Variants in AHDC1 observed in about 807,000 individuals in gnomAD.
AHDC1 encodes the protein transcription factor Gibbin.
A neutral mutation model predicts 87.9 loss-of-function variants in AHDC1; 7 were observed. The observed-to-expected ratio is 0.08, with a 90% confidence interval of 0.05 to 0.15. The LOEUF (loss-of-function observed/expected upper bound fraction) is 0.15. Among genes scored for constraint, AHDC1 ranks in the 10% least tolerant of loss-of-function variants. The pLI, the probability that AHDC1 is intolerant of heterozygous loss-of-function variation, is 1.00. For missense variants in AHDC1, 1,841 were observed against 2,253.2 expected (o/e 0.82, Z 3.70); for synonymous variants, 1,051 against 1,006.8 (o/e 1.04, Z -0.83).
chr1:27,594,847 G>A (rs1557709320), intron 3 of AHDC1, among the ~76,000 whole-genome samples: 1 of 152,170 alleles, frequency 6.6e-6, no homozygotes, highest in Non-Finnish European at 1.5e-5. Flanking sequence ...GCCGTGGGGT[G>A]CAGGCGGAGC....
chr1:27,548,161 C>T lies in AHDC1; in HGVS notation c.3955G>A (p.Gly1319Arg), dbSNP rs1255829038. The T allele has an allele frequency of 2.5e-6, 4 of 1,613,800 alleles. No homozygotes were observed. Among genetic ancestry groups the T allele is most frequent in the South Asian group, 1.1e-5 (1 of 91,088 alleles). ...SPDLGLDYYS[G>R]DSSMSPLPSQ... ...GGCAGTGGTGACATGCTGCTGTCCC[C>T]GCTATAGTAGTCCAGGCCGAGGTCA... The change falls in exon 8 of 9, where the codon GGG (glycine) becomes AGG (arginine). Residue 1319 changes from glycine to arginine, a missense_variant. Transcript: ENST00000673934.
rs2019494150 is a variant in AHDC1, at chr1:27,550,739, T to C, written c.1377A>G (p.Pro459=). The part of the protein sequence containing the change: ...PELKPESSQT[P]VVSTRKGKCR... ...ACTTGCCTTTGCGGGTAGAGACCAC[T>C]GGGGTCTGGGAAGATTCCGGCTTCA... The change falls in exon 8 of 9, where the codon CCA becomes CCG. Residue 459 remains proline, a synonymous_variant. Transcript: ENST00000673934. The C allele has an allele frequency of 6.3e-7, 1 of 1,586,976 alleles. No individual in the cohort carries two copies. Among genetic ancestry groups the C allele is most frequent in the Non-Finnish European group, 8.6e-7 (1 of 1,167,272 alleles).
chr1:27,560,400 C>T lies in AHDC1; in HGVS notation c.-628-1517G>A, dbSNP rs926706951. On this transcript the variant is annotated intron_variant, in intron 3 of 8. Coordinates refer to ENST00000673934, the MANE Select transcript of AHDC1 (RefSeq NM_001371928.1). This position sits in a 1 kb window ranked among gnomAD's most constrained non-coding sequence, Gnocchi z 4.1. The stretch of plus-strand genomic sequence containing the variant: ...ACCGGCTCCTGCCTGTCTCAGAGCT[C>T]TCTGGATGTGTGTTTGGCAGGGGGT... Among the ~76,000 whole-genome samples, 4 of 152,088 alleles carry T rather than the reference C, an allele frequency of 2.6e-5. No individual in the cohort carries two copies. The highest frequency in any genetic ancestry group is 9.7e-5 in the African/African-American group (4 of 41,398).
In AHDC1 at chr1:27,551,305, G is replaced by C. The variant is rs200660997; in HGVS notation, c.811C>G (p.Pro271Ala). 5.4e-4 allele frequency: 878 copies of C among 1,611,608 alleles called. 5 individuals are homozygous for C. The African/African-American group carries it at 0.01, about 19-fold the overall frequency. ...AQALEPPSPEPEPQLLDPQPR... is the reference protein window; with the variant it reads ...AQALEPPSPEAEPQLLDPQPR... ...TGGGGGTCCAGGAGCTGAGGCTCCG[G>C]CTCGGGCGATGGTGGCTCGAGGGCC... Residue 271 changes from proline (P) to alanine (A), a missense_variant, in exon 8 of 9, where the codon CCG becomes GCG. By Grantham distance (27) the Pro-to-Ala change is conservative. Around this residue, in one of 13 missense-constraint regions of AHDC1, gnomAD observed 370 missense variants for 391.5 expected, o/e 0.95. Coordinates refer to ENST00000673934, the MANE Select transcript of AHDC1 (RefSeq NM_001371928.1).
chr1:27,592,158 G>A (rs2089239679), intron 3 of AHDC1, among the ~76,000 whole-genome samples: 1 of 152,178 alleles, frequency 6.6e-6, no homozygotes, highest in Non-Finnish European at 1.5e-5. Context: ...TAGTATCTTA[G>A]CCCCAAGCTC....
At chr1:27,587,198 A>G (rs994070591) in intron 3 of AHDC1, among the ~76,000 whole-genome samples, 2 of 152,214 alleles carry the variant, frequency 1.3e-5, no homozygotes, top group African/African-American at 2.4e-5. Context: ...AGGCCGGGGA[A>G]GACAAGGCAT....
At position 27,547,801 on chromosome 1, in the gene AHDC1, C is replaced by A. The variant is rs1186620444; in HGVS notation, c.4315G>T (p.Ala1439Ser). 1 of 1,564,110 alleles carries A rather than the reference C, an allele frequency of 6.4e-7. No homozygotes were observed. Among genetic ancestry groups the A allele is most frequent in the Non-Finnish European group, 8.7e-7 (1 of 1,153,764 alleles). ...LQGASLGHAA[A>S]AQAHLSCRDL... is the part of the protein sequence containing the mutation. ...CGGCAGCTCAGGTGGGCCTGGGCTG[C>A]AGCTGCGTGGCCCAGGCTGGCCCCC... is the stretch of plus-strand genomic sequence containing the variant. The change falls in exon 8 of 9, where the codon GCA becomes TCA. Residue 1439 changes from alanine (A) to serine (S), a missense_variant. Physicochemically the swap from Ala to Ser is moderately conservative, Grantham distance 99. Around this residue, in one of 13 missense-constraint regions of AHDC1, gnomAD observed 505 missense variants for 626.2 expected, o/e 0.81. Coordinates refer to ENST00000673934, the MANE Select transcript of AHDC1 (RefSeq NM_001371928.1). The surrounding 1 kb of genome is among the most constrained non-coding windows in gnomAD (Gnocchi z 4.9).
In AHDC1 at chr1:27,551,036, G is replaced by C. The variant is rs555066652; in HGVS notation, c.1080C>G (p.Ala360=). Residue 360 remains alanine (A), a synonymous_variant, in exon 8 of 9, where the codon GCC becomes GCG. Coordinates refer to ENST00000673934, the MANE Select transcript of AHDC1 (RefSeq NM_001371928.1). ...AGCACAAGTCCAGGCGCAAGGGCTCGGCCAGTGGGCAGTGCCCCAGGGGCT... is the reference window on the plus strand; with the variant it reads ...AGCACAAGTCCAGGCGCAAGGGCTCCGCCAGTGGGCAGTGCCCCAGGGGCT... ...PQQPLGHCPL[A]EPLRLDLCSP... 1.3e-6 allele frequency: 2 copies of C among 1,556,452 alleles called. No homozygotes were observed. Among genetic ancestry groups the C allele is most frequent in the African/African-American group, 2.7e-5 (2 of 73,298 alleles).
chr1:27,575,201 C>T (rs914679843), intron 3 of AHDC1, among the ~76,000 whole-genome samples: 1 of 152,208 alleles, frequency 6.6e-6, no homozygotes, highest in African/African-American at 2.4e-5. Context: ...TCTGGGGCTA[C>T]CTGGCAGGCT....
chr1:27,588,702 G>A (rs1287025246), intron 3 of AHDC1, among the ~76,000 whole-genome samples: 1 of 152,160 alleles, frequency 6.6e-6, no homozygotes, highest in Non-Finnish European at 1.5e-5. Context: ...AGGTGAGGAC[G>A]CATGTGTGTG....
rs1262457608 is a variant in AHDC1 at position 27,593,818 on chromosome 1, T to C, written c.-629+9579A>G. Among the ~76,000 whole-genome samples the C allele has an allele frequency of 6.6e-6, 1 of 152,200 alleles. No homozygotes were observed. Among genetic ancestry groups the C allele is most frequent in the Non-Finnish European group, 1.5e-5 (1 of 68,026 alleles). On this transcript the variant is annotated intron_variant, in intron 3 of 8. Transcript: ENST00000673934. This position sits in a 1 kb window ranked among gnomAD's most constrained non-coding sequence, Gnocchi z 4.9. ...GGCAGGAGATCGATTCACTGAATTT[T>C]TTAAGGCCCTAATGGAGCCTGCATC...
chr1:27,601,727 G>A (rs2089533087), intron 3 of AHDC1, among the ~76,000 whole-genome samples: 1 of 152,168 alleles, frequency 6.6e-6, no homozygotes, highest in Admixed American at 6.5e-5. Context: ...CCCCAGGTTG[G>A]GGGACAGACT....
chr1:27,550,169 G>T lies in AHDC1; in HGVS notation c.1947C>A (p.Ala649=), dbSNP rs771829079. The T allele has an allele frequency of 6.2e-7, 1 of 1,611,648 alleles. No homozygotes were observed. The change falls in exon 8 of 9, where the codon GCC becomes GCA. Residue 649 remains alanine, a synonymous_variant. Transcript: ENST00000673934. ...AGTGGGAGATGCTCTGGGTGTCGGGGGCCTGGTGCACCGACTCCGGCTCAC... is the reference window on the plus strand; with the variant it reads ...AGTGGGAGATGCTCTGGGTGTCGGGTGCCTGGTGCACCGACTCCGGCTCAC... ...TPSEPESVHQ[A]PDTQSISHFL... is the part of the protein sequence containing the mutation.
intron 8 of AHDC1, among the ~76,000 whole-genome samples, chr1:27,536,829 T>C (rs1048751062): frequency 1.3e-5 from 2 of 152,090 alleles, no homozygotes; most frequent in Non-Finnish European, 2.9e-5. Flanking sequence ...CGGGGCAGGC[T>C]GGGAGCCTCT....
At chr1:27,546,563 C>T (rs2019178069) in intron 8 of AHDC1, among the ~76,000 whole-genome samples, 1 of 152,238 alleles carries the variant, frequency 6.6e-6, no homozygotes, top group Non-Finnish European at 1.5e-5. Flanking sequence ...CCCAGCACCC[C>T]TTCTCCACTT....
In AHDC1 at chr1:27,565,651, A is replaced by G. The variant is rs1357038454; in HGVS notation, c.-628-6768T>C. On this transcript the variant is annotated intron_variant, in intron 3 of 8. Coordinates refer to ENST00000673934, the MANE Select transcript of AHDC1 (RefSeq NM_001371928.1). The surrounding 1 kb of genome is among the most constrained non-coding windows in gnomAD (Gnocchi z 4.6). ...TGTTCCAGGAACTCAAAGCACTTTA[A>G]AGAAGTCAGACATGAAGCAAGGATA... Among the ~76,000 whole-genome samples, 1 of 152,182 alleles carries G rather than the reference A, an allele frequency of 6.6e-6. No homozygotes were observed. Among genetic ancestry groups the G allele is most frequent in the Non-Finnish European group, 1.5e-5 (1 of 68,040 alleles).
At chr1:27,568,771 G>A (rs1259093656) in intron 3 of AHDC1, among the ~76,000 whole-genome samples, 1 of 151,810 alleles carries the variant, frequency 6.6e-6, no homozygotes, top group Non-Finnish European at 1.5e-5. Flanking sequence ...GCGGCGGGCC[G>A]GGCCGGGCCG....
intron 8 of AHDC1, among the ~76,000 whole-genome samples, chr1:27,541,024 A>AAC (rs1553156665): frequency 7.1e-4 from 98 of 138,582 alleles, no homozygotes; most frequent in African/African-American, 2.5e-3. Context: ...AAAAAAAAAA[A>AAC]AACAACAACA....
intron 3 of AHDC1, among the ~76,000 whole-genome samples, chr1:27,594,418 C>A (rs1008722949): frequency 2.6e-5 from 4 of 152,200 alleles, no homozygotes; most frequent in Non-Finnish European, 5.9e-5. Context: ...CACATACATG[C>A]CAGAGCCAGG....
Sources: allele counts gnomAD v4.1 joint callset (sites outside exome capture counted in the v4.1 genomes callset), GRCh38; gene constraint gnomAD v4.1.1; regional missense constraint gnomAD v4.1.1; non-coding constraint Gnocchi (gnomAD v3.1); transcripts MANE v1.5; gene names NCBI Gene and HGNC (gene_info 2026-07-23, HGNC 2026-07-21).